Variants in DLG2 observed in about 807,000 individuals in gnomAD.
DLG2 encodes disks large homolog 2.
Under a neutral mutation model 132.5 loss-of-function variants are expected in DLG2, and 45 were observed. The ratio of observed to expected loss-of-function variants is 0.34; its 90% CI spans 0.27 to 0.44. The LOEUF is 0.44. DLG2 is among the 20% of genes least tolerant of loss of function. DLG2 has a pLI of 1.00. For synonymous variants in DLG2, 424 were observed against 419.6 expected (o/e 1.01, Z -0.13); for missense variants, 1,045 against 1,196.9 (o/e 0.87, Z 1.87).
chr11:83,784,331 A>G (rs1182432476), intron 18 of DLG2, among the ~76,000 whole-genome samples: 2 of 152,220 alleles, frequency 1.3e-5, no homozygotes, highest in Non-Finnish European at 2.9e-5. Flanking sequence ...TCACTTTTTC[A>G]TTGAAAACTG....
At chr11:84,652,055 C>T (rs1260721197) in intron 6 of DLG2, among the ~76,000 whole-genome samples, 1 of 152,062 alleles carries the variant, frequency 6.6e-6, no homozygotes, top group African/African-American at 2.4e-5. Flanking sequence ...ATAGGCTTGT[C>T]TGGAAGAATG....
chr11:85,088,227 A>C (rs1307442968), intron 6 of DLG2, among the ~76,000 whole-genome samples: 1 of 152,198 alleles, frequency 6.6e-6, no homozygotes, highest in East Asian at 1.9e-4. Flanking sequence ...TGGCTATAGC[A>C]ACTAGGTAAA....
intron 6 of DLG2, among the ~76,000 whole-genome samples, chr11:84,937,121 C>T (rs1200436914): frequency 1.3e-5 from 2 of 152,288 alleles, no homozygotes; most frequent in South Asian, 2.1e-4. Context: ...CATTGCACTC[C>T]AGTCTGGGCA....
intron 3 of DLG2, among the ~76,000 whole-genome samples, chr11:85,533,530 T>C (rs2075365582): frequency 6.6e-6 from 1 of 151,628 alleles, no homozygotes; most frequent in African/African-American, 2.4e-5. Context: ...CTACATTTTC[T>C]TTATCTAAAT....
intron 9 of DLG2, among the ~76,000 whole-genome samples, chr11:84,108,943 A>C (rs1056430222): frequency 6.6e-6 from 1 of 152,180 alleles, no homozygotes; most frequent in Non-Finnish European, 1.5e-5. Context: ...GAAGAATCAA[A>C]GATGACGTGA....
chr11:83,838,621 AAATATG>A (rs2056829057), intron 16 of DLG2, among the ~76,000 whole-genome samples: 3 of 152,200 alleles, frequency 2.0e-5, no homozygotes, highest in African/African-American at 7.2e-5. Context: ...AATTTGCATG[AAATATG>A]GATTTGTGGC....
chr11:85,458,056 T>C (rs1240919274), intron 3 of DLG2, among the ~76,000 whole-genome samples: 4 of 152,246 alleles, frequency 2.6e-5, no homozygotes, highest in African/African-American at 9.6e-5. Flanking sequence ...TCTCTCCATC[T>C]CTTTCAGGGA....
chr11:84,523,950 A>T (rs1285298795), intron 7 of DLG2, among the ~76,000 whole-genome samples: 1 of 152,148 alleles, frequency 6.6e-6, no homozygotes, highest in Non-Finnish European at 1.5e-5. Flanking sequence ...GAAGTAGAAA[A>T]TTTGAATTTC....
chr11:83,953,846 T>C (rs1283207943), intron 14 of DLG2, among the ~76,000 whole-genome samples: 1 of 152,182 alleles, frequency 6.6e-6, no homozygotes, highest in Non-Finnish European at 1.5e-5. Flanking sequence ...TGTAAGAGGA[T>C]AGGGACCAAC....
At chr11:85,431,429 G>A (rs566257571) in intron 3 of DLG2, among the ~76,000 whole-genome samples, 4 of 152,328 alleles carry the variant, frequency 2.6e-5, no homozygotes, top group East Asian at 1.9e-4. Context: ...GATCCCACTC[G>A]TGAGCACAGA....
intron 9 of DLG2, among the ~76,000 whole-genome samples, chr11:84,152,804 A>G (rs549921055): frequency 6.6e-6 from 1 of 151,956 alleles, no homozygotes; most frequent in Non-Finnish European, 1.5e-5. Flanking sequence ...TTTTTTATCT[A>G]GCTTGCCACT....
intron 11 of DLG2, among the ~76,000 whole-genome samples, chr11:83,988,089 T>A (rs1464645664): frequency 3.3e-5 from 5 of 152,172 alleles, no homozygotes; most frequent in Non-Finnish European, 5.9e-5. Context: ...GTAGGTTGTC[T>A]GGAACTCTGA....
chr11:84,185,179 G>A (rs1472557680), intron 8 of DLG2, among the ~76,000 whole-genome samples: 1 of 152,156 alleles, frequency 6.6e-6, no homozygotes, highest in Non-Finnish European at 1.5e-5. Flanking sequence ...CCATTTTCAT[G>A]ATATTGATTC....
chr11:85,487,367 T>G (rs1222612904), intron 3 of DLG2, among the ~76,000 whole-genome samples: 2 of 150,752 alleles, frequency 1.3e-5, no homozygotes, highest in Non-Finnish European at 2.9e-5. Context: ...AATACTGATT[T>G]TAAAGATGCT....
chr11:84,294,253 C>T (rs1318824834), intron 7 of DLG2, among the ~76,000 whole-genome samples: 1 of 152,120 alleles, frequency 6.6e-6, no homozygotes, highest in Non-Finnish European at 1.5e-5. Context: ...TAAGTAATAT[C>T]TTAAAGTTAT....
intron 11 of DLG2, among the ~76,000 whole-genome samples, chr11:84,042,584 T>A (rs2096119431): frequency 6.6e-6 from 1 of 151,888 alleles, no homozygotes; most frequent in East Asian, 1.9e-4. Flanking sequence ...AAAGTTACCT[T>A]TATATAGATC....
chr11:84,558,134 A>T (rs989609276), intron 6 of DLG2, among the ~76,000 whole-genome samples: 5 of 152,172 alleles, frequency 3.3e-5, no homozygotes, highest in African/African-American at 1.2e-4. Flanking sequence ...GTATTCATTA[A>T]TATTTATTCT....
intron 6 of DLG2, among the ~76,000 whole-genome samples, chr11:84,867,624 C>T (rs1420465795): frequency 2.6e-5 from 4 of 152,172 alleles, no homozygotes; most frequent in African/African-American, 9.7e-5. Flanking sequence ...CACTGCCAAG[C>T]ACAGAGTAAT....
chr11:84,078,446 C>T lies in DLG2; in HGVS notation c.750-18962G>A, dbSNP rs117980510. Among the ~76,000 whole-genome samples the T allele has an allele frequency of 7.4e-3, 1,128 of 152,298 alleles. 3 individuals carry two copies. Among genetic ancestry groups the T allele is most frequent in the Non-Finnish European group, 0.011 (749 of 68,010 alleles). On this transcript the variant is annotated intron_variant, in intron 10 of 27. Coordinates refer to ENST00000376104, the MANE Select transcript of DLG2 (RefSeq NM_001142699.3). ...CCTAATCATTAGAGTCACCGACTTT[C>T]TCATGCCAGGCAACAGTATTTCAGA...
Sources: allele counts gnomAD v4.1 joint callset (sites outside exome capture counted in the v4.1 genomes callset), GRCh38; gene constraint gnomAD v4.1.1; transcripts MANE v1.5; gene names NCBI Gene and HGNC (gene_info 2026-07-23, HGNC 2026-07-21).